C10orf53: variants seen among roughly 807,000 people sequenced by gnomAD.
C10orf53 encodes the protein UPF0728 protein C10orf53.
C10orf53 carries 8 observed loss-of-function variants against 9.4 expected under a neutral mutation model. The ratio of observed to expected loss-of-function variants is 0.85; its 90% confidence interval spans 0.50 to 1.53. C10orf53 has a LOEUF of 1.53. Ranked by LOEUF, C10orf53 falls within the 40% of genes most tolerant of loss-of-function variation. The pLI, the probability that C10orf53 is intolerant of heterozygous loss-of-function variation, is 0.00. For synonymous variants in C10orf53, 48 were observed against 46.0 expected (o/e 1.04, Z -0.18); for missense variants, 117 against 117.8 (o/e 0.99, Z 0.03).
Position 49,694,733 on chromosome 10 carries a change from C to T in C10orf53, c.*131C>T. On this transcript the variant is annotated 3_prime_UTR_variant, in exon 3 of 3. Transcript: ENST00000374111. The stretch of plus-strand genomic sequence containing the variant: ...CTAGTCAGAACAGGGCAACTCGGGC[C>T]TGACCTCCAGCTTACGCAGCCTCAG... 1 of 1,487,894 alleles carries T rather than the reference C, an allele frequency of 6.7e-7. No individual in the cohort carries two copies. The highest frequency in any genetic ancestry group is 1.4e-5 in the South Asian group (1 of 73,172). The allele number at this position is 1,487,894 out of a possible 1,614,324, so 92.2% of individuals were successfully genotyped here. A position where few individuals can be genotyped will look rare whatever the true frequency, so the allele number is the denominator to read the frequency against.
rs571566105 is a variant in C10orf53 at position 49,702,902 on chromosome 10, C to G, written c.218-5459C>G. ...GAGTGTTCTGGTCCATGATGTCTACCAAGTTCCAGCCACCAGATATATGTT... is the reference window on the plus strand; with the variant it reads ...GAGTGTTCTGGTCCATGATGTCTACGAAGTTCCAGCCACCAGATATATGTT... On this transcript the variant is annotated intron_variant, in intron 2 of 2. Transcript: ENST00000374112. Among the ~76,000 whole-genome samples the G allele has an allele frequency of 1.5e-3, 223 of 152,226 alleles. 1 individual carries two copies. Among genetic ancestry groups the G allele is most frequent in the Non-Finnish European group, 2.4e-3 (163 of 68,020 alleles).
intron 1 of C10orf53, among the ~76,000 whole-genome samples, chr10:49,691,070 C>T (rs538538043): frequency 9.2e-5 from 14 of 152,346 alleles, no homozygotes; most frequent in African/African-American, 3.1e-4. Flanking sequence ...GGAGTTTACC[C>T]ACTGCCTTCG....
At chr10:49,701,649 T>C (rs1248347400), downstream of C10orf53, among the ~76,000 whole-genome samples, 3 of 152,286 alleles carry the variant, frequency 2.0e-5, no homozygotes, top group Admixed American at 6.5e-5. Context: ...TGTTCTCTGG[T>C]TGACAAACTC....
chr10:49,694,436 G>C, intron 2 of C10orf53, 102 bp from the exon 3 acceptor site: 1 of 1,477,820 alleles, frequency 6.8e-7, no homozygotes, highest in Non-Finnish European at 9.3e-7. Context: ...ACCAGCCCAT[G>C]GCCTTTGAAA....
intron 1 of C10orf53, among the ~76,000 whole-genome samples, chr10:49,682,340 T>C (rs114486488): frequency 0.034 from 5,158 of 152,092 alleles, 118 homozygotes; most frequent in South Asian, 0.092. Flanking sequence ...TCGCGGTGAG[T>C]GTTACAGCTC....
chr10:49,703,796 A>G (rs766861462), intron 2 of C10orf53, among the ~76,000 whole-genome samples: 47 of 152,384 alleles, frequency 3.1e-4, no homozygotes, highest in Non-Finnish European at 6.3e-4. Flanking sequence ...GTAATGCTAT[A>G]CCAATAAAAA....
At chr10:49,699,616 G>A (rs1452034622), downstream of C10orf53, among the ~76,000 whole-genome samples, 2 of 151,970 alleles carry the variant, frequency 1.3e-5, no homozygotes, top group African/African-American at 4.8e-5. Context: ...CCTTGCAGGG[G>A]GCACTCCAGT....
chr10:49,693,993 T>C (rs753160706), intron 2 of C10orf53, 100 bp downstream of exon 2: 13 of 1,542,736 alleles, frequency 8.4e-6, no homozygotes, highest in Admixed American at 3.5e-5. Context: ...TGGATTCAAA[T>C]TGGGTTTCTT....
intron 2 of C10orf53, among the ~76,000 whole-genome samples, chr10:49,706,042 C>T (rs1280501451): frequency 6.6e-6 from 1 of 152,146 alleles, no homozygotes; most frequent in African/African-American, 2.4e-5. Flanking sequence ...GCAAATCAAA[C>T]CCACAATGAC....
At position 49,684,522 on chromosome 10, in the gene C10orf53, C is replaced by T. The variant is rs373248829; in HGVS notation, c.97+4728C>T. On this transcript the variant is annotated intron_variant, in intron 1 of 2. Coordinates refer to ENST00000374111, the MANE Select transcript of C10orf53 (RefSeq NM_001042427.3). ...TGCATTTTCATTTATTTAGATCTTT[C>T]TTAATTTATTTTAGCAACTTTTATA... Among the ~76,000 whole-genome samples the T allele has an allele frequency of 2.5e-4, 38 of 152,242 alleles. No homozygotes were observed. The South Asian group carries it at 7.2e-3, about 29-fold the overall frequency.
intron 1 of C10orf53, among the ~76,000 whole-genome samples, chr10:49,691,034 C>T (rs571182203): frequency 1.3e-5 from 2 of 152,334 alleles, no homozygotes; most frequent in East Asian, 3.9e-4. Context: ...TGCAGGTGGC[C>T]TTATAGCTTC....
chr10:49,708,419 C>G (rs776907278), exon 3 of C10orf53: 10 of 1,614,052 alleles, frequency 6.2e-6, no homozygotes, highest in Middle Eastern at 1.6e-4. Context: ...TGACATTTCA[C>G]CAGCTTAGCA....
intron 1 of C10orf53, among the ~76,000 whole-genome samples, chr10:49,690,439 C>A (rs1189104700): frequency 6.6e-6 from 1 of 152,176 alleles, no homozygotes; most frequent in Non-Finnish European, 1.5e-5. Context: ...CTCTGTGTTT[C>A]TTTTAAAATT....
intron 1 of C10orf53, among the ~76,000 whole-genome samples, chr10:49,683,762 G>A (rs910558684): frequency 8.5e-5 from 13 of 152,090 alleles, no homozygotes; most frequent in African/African-American, 2.7e-4. Flanking sequence ...TGGGTGTGAT[G>A]GCACGCACCT....
intron 1 of C10orf53, among the ~76,000 whole-genome samples, chr10:49,688,498 A>T (rs917573021): frequency 2.6e-5 from 4 of 152,056 alleles, no homozygotes; most frequent in Admixed American, 1.3e-4. Flanking sequence ...TGATACCGGT[A>T]AACCTGAATC....
chr10:49,694,110 A>G (rs2132883188), intron 2 of C10orf53: 2 of 644,594 alleles, frequency 3.1e-6, no homozygotes, highest in Non-Finnish European at 5.2e-6. Flanking sequence ...TTCCCCAAAC[A>G]TTGGAAACAG....
chr10:49,704,097 A>G (rs1353557678), intron 2 of C10orf53, among the ~76,000 whole-genome samples: 3 of 152,208 alleles, frequency 2.0e-5, no homozygotes, highest in Non-Finnish European at 4.4e-5. Context: ...ACAAACTTGA[A>G]ACCTTTCATA....
At chr10:49,700,814 C>T (rs1357433808), downstream of C10orf53, among the ~76,000 whole-genome samples, 3 of 152,126 alleles carry the variant, frequency 2.0e-5, no homozygotes, top group South Asian at 4.1e-4. Context: ...GTGTGGACTC[C>T]CAGAGCCCAG....
chr10:49,687,968 A>G (rs942253963), intron 1 of C10orf53, among the ~76,000 whole-genome samples: 5 of 152,372 alleles, frequency 3.3e-5, no homozygotes, highest in Non-Finnish European at 7.3e-5. Flanking sequence ...ATATTAAGCC[A>G]GTGGCTGGAA....
Sources: gnomAD v4.1 joint callset for allele counts (sites outside exome capture counted in the v4.1 genomes callset) on GRCh38, gnomAD v4.1.1 for gene constraint, MANE v1.5 for transcripts, NCBI Gene and HGNC (gene_info 2026-07-23, HGNC 2026-07-21) for gene names.